The following PPP2R2D variants were observed in gnomAD, a reference collection of about 807,000 sequenced individuals.
PPP2R2D encodes the protein serine/threonine-protein phosphatase 2A 55 kDa regulatory subunit B delta isoform.
PPP2R2D carries 9 observed loss-of-function variants against 31.1 expected under a neutral mutation model. That is an observed-to-expected ratio of 0.29 (90% confidence interval 0.17 to 0.51). PPP2R2D has a LOEUF of 0.51. Among genes scored for constraint, PPP2R2D ranks in the 20% least tolerant of loss-of-function variants. The pLI is 0.98. For synonymous variants in PPP2R2D, 179 were observed against 172.6 expected, an observed-to-expected ratio of 1.04 and a Z score of -0.29; for missense variants, 391 against 465.6, an observed-to-expected ratio of 0.84 and a Z score of 1.48.
chr10:131,954,621 T>G (rs1200653147), intron 8 of PPP2R2D, among the ~76,000 whole-genome samples: 3 of 149,600 alleles, frequency 2.0e-5, no homozygotes, highest in Non-Finnish European at 3.0e-5. Flanking sequence ...TTCTCTTCTC[T>G]GAGTTCGTCT....
chr10:131,932,856 C>G (rs1276464975), intron 2 of PPP2R2D, among the ~76,000 whole-genome samples: 2 of 151,992 alleles, frequency 1.3e-5, no homozygotes, highest in African/African-American at 4.8e-5. Context: ...ATTTTAGGTT[C>G]ACGCGTGTTT....
In PPP2R2D at chr10:131,956,209, A is replaced by G. The variant is rs2036794251; in HGVS notation, c.*246A>G. ...CAGAGTTGACGGACACTGCTCCCAAAAGGTCATTACTCAGAATAAATGTAT... is the reference window on the plus strand; with the variant it reads ...CAGAGTTGACGGACACTGCTCCCAAGAGGTCATTACTCAGAATAAATGTAT... On this transcript the variant is annotated 3_prime_UTR_variant, in exon 9 of 9. Coordinates refer to ENST00000455566, the MANE Select transcript of PPP2R2D (RefSeq NM_018461.5). The G allele has an allele frequency of 6.7e-6, 8 of 1,197,520 alleles. No homozygotes were observed. In the South Asian group the frequency reaches 3.4e-4, roughly 51 times the overall value. The allele number at this position is 1,197,520 out of a possible 1,614,324, so 74.2% of individuals were successfully genotyped here.
At chr10:131,944,320 A>G (rs1376027157) in intron 6 of PPP2R2D, among the ~76,000 whole-genome samples, 175 bp downstream of exon 6, 4 of 152,242 alleles carry the variant, frequency 2.6e-5, no homozygotes, top group African/African-American at 9.6e-5. Flanking sequence ...TAAAAATACA[A>G]ATTTCTTTCT....
chr10:131,961,739 T>A (rs2036922592), downstream of PPP2R2D, among the ~76,000 whole-genome samples: 1 of 151,924 alleles, frequency 6.6e-6, no homozygotes, highest in Non-Finnish European at 1.5e-5. Context: ...CAGCACCCAG[T>A]CCCAAGGGCA....
At chr10:131,913,033 G>GT (rs1484450268) in intron 2 of PPP2R2D, among the ~76,000 whole-genome samples, 4 of 151,984 alleles carry the variant, frequency 2.6e-5, no homozygotes, top group Non-Finnish European at 4.4e-5. Flanking sequence ...TTGTGTGTTT[G>GT]TTTTTTTGAG....
intron 2 of PPP2R2D, among the ~76,000 whole-genome samples, chr10:131,927,762 A>C (rs1162169265): frequency 2.0e-4 from 31 of 152,180 alleles, no homozygotes; most frequent in Non-Finnish European, 2.8e-4. Context: ...TTCTGTAACT[A>C]ACCTGGGGTG....
intron 5 of PPP2R2D, among the ~76,000 whole-genome samples, chr10:131,943,293 A>G (rs2036474086): frequency 6.6e-6 from 1 of 152,150 alleles, no homozygotes; most frequent in Non-Finnish European, 1.5e-5. Flanking sequence ...CAACACAGAG[A>G]TGGGGGCGGG....
chr10:131,935,551 G>A (rs576045453), intron 3 of PPP2R2D, among the ~76,000 whole-genome samples: 1 of 152,302 alleles, frequency 6.6e-6, no homozygotes, highest in Admixed American at 6.5e-5. Context: ...ATTGACAGGT[G>A]CTAACCAATT....
At chr10:131,912,454 T>A (rs1466884351) in intron 2 of PPP2R2D, 1 of 152,304 alleles carries the variant, frequency 6.6e-6, no homozygotes, top group Non-Finnish European at 1.5e-5. Context: ...CCCAAAATGC[T>A]GGGAATACAA....
chr10:131,928,603 G>C (rs2119818782), intron 2 of PPP2R2D, among the ~76,000 whole-genome samples: 1 of 152,344 alleles, frequency 6.6e-6, no homozygotes, highest in South Asian at 2.1e-4. Flanking sequence ...ATTGGGCTCT[G>C]AGGCTTAGGA....
Position 131,955,829 on chromosome 10 carries a change from A to G in PPP2R2D, c.1228A>G (p.Arg410Gly). 1 of 1,609,708 alleles carries G rather than the reference A, an allele frequency of 6.2e-7. No individual in the cohort carries two copies. Among genetic ancestry groups the G allele is most frequent in the Non-Finnish European group, 8.5e-7 (1 of 1,177,748 alleles). ...GAAGGTGTGTACGGGGGGTAAGCGG[A>G]GGAAAGACGAGATCAGTGTGGACAG... ...PRKVCTGGKRRKDEISVDSLD... is the reference protein window; with the variant it reads ...PRKVCTGGKRGKDEISVDSLD... Residue 410 changes from arginine (R) to glycine (G), a missense_variant, in exon 9 of 9, where the codon AGG becomes GGG. Physicochemically the swap from Arg to Gly is moderately radical, Grantham distance 125. This residue lies in a region of PPP2R2D where 163 missense variants were observed against 179.5 expected (regional missense o/e 0.91). Transcript: ENST00000455566.
Position 131,934,486 on chromosome 10 carries a change from T to C in PPP2R2D, c.129T>C (p.Asn43=). 3.8e-6 allele frequency: 3 copies of C among 780,308 alleles called. No individual in the cohort carries two copies. The highest frequency in any genetic ancestry group is 7.2e-6 in the Non-Finnish European group (3 of 417,868). The allele number at this position is 780,308 out of a possible 1,614,324, so 48.3% of individuals were successfully genotyped here. ...EADIISTVEF[N]YSGDLLATGD... ...ACATCATTTCCACCGTTGAGTTTAA[T>C]TACTCTGGAGATCTTCTTGCAACAG... is the stretch of plus-strand genomic sequence containing the variant. Residue 43 remains asparagine (N), a synonymous_variant, in exon 3 of 9, where the codon AAT becomes AAC. Transcript: ENST00000455566.
chr10:131,943,446 G>T (rs994615053), intron 5 of PPP2R2D, among the ~76,000 whole-genome samples: 1 of 152,202 alleles, frequency 6.6e-6, no homozygotes, highest in African/African-American at 2.4e-5. Flanking sequence ...CCCAGACCAA[G>T]AAATGGAATA....
rs187807305 is a variant in PPP2R2D, at chr10:131,947,423, A to T, written c.821-107A>T. On this transcript the variant is annotated intron_variant, in intron 7 of 8. Transcript: ENST00000455566. The surrounding 1 kb of genome is among the most constrained non-coding windows in gnomAD (Gnocchi z 4.3). The stretch of plus-strand genomic sequence containing the variant: ...ATCAGAAGACCTAGTGTTGAGGCCA[A>T]GCCCTTCCAGAGTCTCTCTGAAGGG... 47 of 1,207,800 alleles carry T rather than the reference A, an allele frequency of 3.9e-5. No individual in the cohort carries two copies. The East Asian group carries it at 1.1e-3, about 27-fold the overall frequency. 74.8% of individuals were successfully genotyped at this position (1,207,800 alleles called of 1,614,324 possible). A position where few individuals can be genotyped will look rare whatever the true frequency, so the allele number is the denominator to read the frequency against.
At chr10:131,936,158 G>A (rs888788082) in intron 3 of PPP2R2D, among the ~76,000 whole-genome samples, 10 of 151,410 alleles carry the variant, frequency 6.6e-5, no homozygotes, top group Admixed American at 6.6e-4. Flanking sequence ...AGGAGTTTTT[G>A]TTTTTTTGAG....
At chr10:131,955,535 G>A in intron 8 of PPP2R2D, 149 bp from the exon 9 acceptor site, 1 of 550,034 alleles carries the variant, frequency 1.8e-6, no homozygotes. Context: ...TTTCTCTTCT[G>A]CCCATTGTGA....
chr10:131,927,775 AC>A (rs2036135732), intron 2 of PPP2R2D, among the ~76,000 whole-genome samples: 2 of 152,226 alleles, frequency 1.3e-5, no homozygotes, highest in African/African-American at 2.4e-5. Context: ...CTGGGGTGTT[AC>A]GCGATGGTCA....
At chr10:131,936,869 G>A (rs2036351386) in intron 3 of PPP2R2D, among the ~76,000 whole-genome samples, 1 of 152,172 alleles carries the variant, frequency 6.6e-6, no homozygotes, top group Non-Finnish European at 1.5e-5. Flanking sequence ...GGCTTTCACG[G>A]TCCATCCATT....
intron 5 of PPP2R2D, 103 bp from the exon 6 acceptor site, chr10:131,943,865 A>T: frequency 1.5e-6 from 1 of 660,478 alleles, no homozygotes; most frequent in South Asian, 1.7e-5. Context: ...ATTATTACTT[A>T]GCCATGAATA....
Sources: gnomAD v4.1 joint callset for allele counts (sites outside exome capture counted in the v4.1 genomes callset) on GRCh38, gnomAD v4.1.1 for gene constraint, gnomAD v4.1.1 regional missense constraint, Gnocchi (gnomAD v3.1) non-coding constraint, MANE v1.5 for transcripts, NCBI Gene and HGNC (gene_info 2026-07-23, HGNC 2026-07-21) for gene names.